The following TMTC1 variants were observed in gnomAD, a reference collection of about 807,000 sequenced individuals.
TMTC1 encodes the protein transmembrane O-mannosyltransferase targeting cadherins 1, also known as protein O-mannosyl-transferase TMTC1.
In TMTC1, 73 loss-of-function variants were observed where a neutral mutation model predicts 104.8. The observed-to-expected ratio is 0.70, with a 90% CI of 0.58 to 0.85. TMTC1 has a LOEUF of 0.85. Ranked by LOEUF, TMTC1 falls within the 40% of genes least tolerant of loss-of-function variation. The probability of loss-of-function intolerance (pLI) is 0.00; values close to 1 mark genes in which losing one functional copy is unlikely to be tolerated. For missense variants in TMTC1, 1,035 were observed against 1,096.1 expected (o/e 0.94, Z 0.79); for synonymous variants, 434 against 428.7 (o/e 1.01, Z -0.15).
At position 29,505,524 on chromosome 12, in the gene TMTC1, T is replaced by C. The variant is rs866400060; in HGVS notation, c.*1322A>G. 4.6e-5 allele frequency: 7 copies of C among 152,170 alleles called. No individual in the cohort carries two copies. Among genetic ancestry groups the C allele is most frequent in the African/African-American group, 9.7e-5 (4 of 41,432 alleles). 9.4% of individuals were successfully genotyped at this position (152,170 alleles called of 1,614,324 possible). A position where few individuals can be genotyped will look rare whatever the true frequency, so the allele number is the denominator to read the frequency against. On this transcript the variant is annotated 3_prime_UTR_variant, in exon 18 of 18. Coordinates refer to ENST00000539277, the MANE Select transcript of TMTC1 (RefSeq NM_001193451.2). Reference sequence around the variant, plus strand: ...AACTTAACTATTTTACAATTTAGATTTACATTTTATAAGATCAGTTTTGAA... The same window carrying C: ...AACTTAACTATTTTACAATTTAGATCTACATTTTATAAGATCAGTTTTGAA...
At chr12:29,676,652 C>T (rs1438561935) in intron 5 of TMTC1, among the ~76,000 whole-genome samples, 1 of 152,228 alleles carries the variant, frequency 6.6e-6, no homozygotes, top group African/African-American at 2.4e-5. Flanking sequence ...GAGCGATGCA[C>T]TGGGCACAGT....
At chr12:29,696,441 T>C (rs1941426550) in intron 5 of TMTC1, among the ~76,000 whole-genome samples, 1 of 152,176 alleles carries the variant, frequency 6.6e-6, no homozygotes, top group African/African-American at 2.4e-5. Flanking sequence ...ACCTTTGAAA[T>C]AGGAACCTAA....
chr12:29,748,378 C>A (rs546690734), intron 5 of TMTC1, among the ~76,000 whole-genome samples: 1 of 152,336 alleles, frequency 6.6e-6, no homozygotes, highest in African/African-American at 2.4e-5. Context: ...TTTGTACCTG[C>A]TGAGAGTTCA....
intron 3 of TMTC1, among the ~76,000 whole-genome samples, chr12:29,757,099 A>G (rs904990641): frequency 3.9e-5 from 6 of 152,248 alleles, no homozygotes; most frequent in African/African-American, 1.4e-4. Context: ...CAGATTTCAT[A>G]ACACCACATC....
At chr12:29,518,898 G>A (rs535005001) in intron 12 of TMTC1, among the ~76,000 whole-genome samples, 4 of 152,060 alleles carry the variant, frequency 2.6e-5, no homozygotes, top group South Asian at 2.1e-4. Context: ...TCTGGTCATC[G>A]CTCTTGCTAA....
At chr12:29,528,356 A>G (rs1944406334) in intron 11 of TMTC1, among the ~76,000 whole-genome samples, 1 of 152,180 alleles carries the variant, frequency 6.6e-6, no homozygotes, top group Non-Finnish European at 1.5e-5. Context: ...CGTCTGCTGT[A>G]CACCAGAGTC....
chr12:29,566,922 G>C lies in TMTC1; in HGVS notation c.1532+5183C>G, dbSNP rs564402513. Among the ~76,000 whole-genome samples the C allele has an allele frequency of 4.6e-5, 7 of 152,208 alleles. No homozygotes were observed. The East Asian group carries it at 1.4e-3, about 29-fold the overall frequency. ...TCAAGGCTGAAGTGCATATTCTCCCGGCTGCTAGGAGTGTTGGCTGCTGGC... is the reference window on the plus strand; with the variant it reads ...TCAAGGCTGAAGTGCATATTCTCCCCGCTGCTAGGAGTGTTGGCTGCTGGC... On this transcript the variant is annotated intron_variant, in intron 9 of 17. Transcript: ENST00000539277.
Position 29,576,185 on chromosome 12 carries a change from T to C in TMTC1, c.1419-3967A>G, listed in dbSNP as rs543230006. 2.6e-5 allele frequency among the ~76,000 whole-genome samples: 4 copies of C among 152,332 alleles called. No individual in the cohort carries two copies. In the South Asian group the frequency reaches 8.3e-4, roughly 32 times the overall value. On this transcript the variant is annotated intron_variant, in intron 8 of 17. Coordinates refer to ENST00000539277, the MANE Select transcript of TMTC1 (RefSeq NM_001193451.2). ...GGATATACAGTTTGCAAATATTTCA[T>C]CCCAATCCACAGGCTGTCTTTTCAC...
At chr12:29,540,458 T>C (rs946079018) in intron 10 of TMTC1, among the ~76,000 whole-genome samples, 34 of 152,290 alleles carry the variant, frequency 2.2e-4, no homozygotes, top group African/African-American at 7.9e-4. Context: ...ACAGCTTCGA[T>C]AACACCTGGA....
intron 9 of TMTC1, among the ~76,000 whole-genome samples, chr12:29,561,880 T>C (rs902313670): frequency 2.0e-5 from 3 of 152,214 alleles, no homozygotes; most frequent in Admixed American, 6.5e-5. Context: ...AGGTTAACCA[T>C]GCTAAGGTCA....
intron 7 of TMTC1, among the ~76,000 whole-genome samples, chr12:29,594,633 A>G (rs1219680209): frequency 6.6e-6 from 1 of 152,210 alleles, no homozygotes; most frequent in Non-Finnish European, 1.5e-5. Flanking sequence ...GAAAGAAAGA[A>G]ATTCACCAAT....
intron 5 of TMTC1, among the ~76,000 whole-genome samples, chr12:29,705,448 T>C (rs1941713577): frequency 6.6e-6 from 1 of 152,112 alleles, no homozygotes; most frequent in Non-Finnish European, 1.5e-5. Context: ...AACTCTCCAT[T>C]TGTAAGTGTG....
At position 29,653,819 on chromosome 12, in the gene TMTC1, C is replaced by T. The variant is rs575752656; in HGVS notation, c.939-20483G>A. On this transcript the variant is annotated intron_variant, in intron 5 of 17. Transcript: ENST00000539277. ...ATGATCCAACTCTGTAAGGAATCTACCTTACATCTTGATATACCCAATGGT... is the reference window on the plus strand; with the variant it reads ...ATGATCCAACTCTGTAAGGAATCTATCTTACATCTTGATATACCCAATGGT... 1.4e-4 allele frequency among the ~76,000 whole-genome samples: 21 copies of T among 152,312 alleles called. No individual in the cohort carries two copies. The South Asian group carries it at 4.4e-3, about 32-fold the overall frequency.
chr12:29,615,790 T>A (rs957256187), intron 6 of TMTC1, among the ~76,000 whole-genome samples: 1 of 152,232 alleles, frequency 6.6e-6, no homozygotes, highest in Admixed American at 6.5e-5. Context: ...GAATCCTTTT[T>A]CAGGTGGTAT....
At chr12:29,752,853 A>G (rs1380968399) in intron 4 of TMTC1, among the ~76,000 whole-genome samples, 1 of 152,254 alleles carries the variant, frequency 6.6e-6, no homozygotes, top group East Asian at 1.9e-4. Flanking sequence ...AAAAGTGCCA[A>G]ATTCAGGATT....
chr12:29,510,536 C>G (rs2136130855), intron 17 of TMTC1, among the ~76,000 whole-genome samples: 1 of 152,248 alleles, frequency 6.6e-6, no homozygotes, highest in South Asian at 2.1e-4. Flanking sequence ...CAATTTGGCT[C>G]TGAAAAATAT....
At chr12:29,530,641 A>G (rs779717556) in intron 11 of TMTC1, among the ~76,000 whole-genome samples, 3 of 152,200 alleles carry the variant, frequency 2.0e-5, no homozygotes, top group Non-Finnish European at 4.4e-5. Flanking sequence ...CGTTCAGCAT[A>G]AATTCCTGTC....
At chr12:29,760,233 T>C (rs1943313432) in intron 2 of TMTC1, among the ~76,000 whole-genome samples, 1 of 152,170 alleles carries the variant, frequency 6.6e-6, no homozygotes, top group African/African-American at 2.4e-5. Context: ...TGTATATACA[T>C]AAATGAATGA....
At chr12:29,516,646 C>A (rs569815366) in intron 14 of TMTC1, among the ~76,000 whole-genome samples, 160 bp from the exon 15 acceptor site, 1 of 152,208 alleles carries the variant, frequency 6.6e-6, no homozygotes, top group East Asian at 1.9e-4. Flanking sequence ...CAGGTTTTGA[C>A]TTTTTGCTGT....
Sources: allele counts gnomAD v4.1 joint callset (sites outside exome capture counted in the v4.1 genomes callset), GRCh38; gene constraint gnomAD v4.1.1; transcripts MANE v1.5; gene names NCBI Gene and HGNC (gene_info 2026-07-23, HGNC 2026-07-21).